The following CNTNAP2 variants were observed in gnomAD, a reference collection of about 807,000 sequenced individuals.
CNTNAP2 encodes contactin-associated protein-like 2.
Under a neutral mutation model 155.2 loss-of-function variants are expected in CNTNAP2, and 98 were observed. The observed-to-expected ratio is 0.63, with a 90% CI of 0.54 to 0.75. The LOEUF is 0.75. Among genes scored for constraint, CNTNAP2 ranks in the 30% least tolerant of loss-of-function variants. CNTNAP2 has a pLI of 0.00. For missense variants in CNTNAP2, 1,727 were observed against 1,688.1 expected, an observed-to-expected ratio of 1.02 and a Z score of -0.40; for synonymous variants, 651 against 631.2, an observed-to-expected ratio of 1.03 and a Z score of -0.47.
intron 2 of CNTNAP2, among the ~76,000 whole-genome samples, chr7:146,807,884 G>A (rs1802996124): frequency 1.3e-5 from 2 of 152,218 alleles, no homozygotes; most frequent in Admixed American, 6.5e-5. Context: ...TTGTAAGTAA[G>A]AATCTGTGAC....
intron 3 of CNTNAP2, among the ~76,000 whole-genome samples, chr7:147,025,798 A>G (rs750197802): frequency 6.6e-6 from 1 of 150,964 alleles, no homozygotes; most frequent in Non-Finnish European, 1.5e-5. Flanking sequence ...ACACGTATAT[A>G]TCTCAGATAG....
chr7:146,843,731 A>G (rs1056975613), intron 3 of CNTNAP2, among the ~76,000 whole-genome samples: 1 of 150,996 alleles, frequency 6.6e-6, no homozygotes, highest in Non-Finnish European at 1.5e-5. Context: ...GCATTTACAA[A>G]TTTCAAAAAA....
rs576940043 is a variant in CNTNAP2, at chr7:147,638,181, C to T, written c.1898-925C>T. Among the ~76,000 whole-genome samples, 85 of 152,132 alleles carry T rather than the reference C, an allele frequency of 5.6e-4. 1 individual carries two copies. In the South Asian group the frequency reaches 7.7e-3, roughly 14 times the overall value. On this transcript the variant is annotated intron_variant, in intron 12 of 23. Transcript: ENST00000361727. ...TTTGGCCCTGGGTGTTTTTGAACTGCCCTCAGTCTCTAATTGCTTCTTTTT... is the reference window on the plus strand; with the variant it reads ...TTTGGCCCTGGGTGTTTTTGAACTGTCCTCAGTCTCTAATTGCTTCTTTTT...
At chr7:147,671,167 C>T (rs1795781281) in intron 13 of CNTNAP2, among the ~76,000 whole-genome samples, 2 of 152,228 alleles carry the variant, frequency 1.3e-5, no homozygotes, top group Non-Finnish European at 1.5e-5. Flanking sequence ...AGTGTTTGCG[C>T]ACTCCAGTTC....
chr7:147,296,470 A>G lies in CNTNAP2; in HGVS notation c.1349-3671A>G, dbSNP rs569719859. Among the ~76,000 whole-genome samples, 19 of 152,324 alleles carry G rather than the reference A, an allele frequency of 1.2e-4. No homozygotes were observed. The East Asian group carries it at 1.5e-3, about 12-fold the overall frequency. On this transcript the variant is annotated intron_variant, in intron 8 of 23. Transcript: ENST00000361727. ...GCATAGAGTAATTTTATAGTACAAG[A>G]GATTGTATCTGTGTTGTTCTTCAGA... is the stretch of plus-strand genomic sequence containing the variant.
At chr7:147,249,839 T>C (rs1804154565) in intron 8 of CNTNAP2, among the ~76,000 whole-genome samples, 1 of 152,114 alleles carries the variant, frequency 6.6e-6, no homozygotes, top group Non-Finnish European at 1.5e-5. Context: ...GAGGCTCCGT[T>C]TCTGAAAAGC....
At chr7:148,364,197 G>A (rs1014058287) in intron 21 of CNTNAP2, among the ~76,000 whole-genome samples, 5 of 152,248 alleles carry the variant, frequency 3.3e-5, no homozygotes, top group East Asian at 3.9e-4. Flanking sequence ...GAATGTGAGC[G>A]CACGGTGCAG....
intron 14 of CNTNAP2, among the ~76,000 whole-genome samples, chr7:147,955,828 A>G (rs983998020): frequency 3.3e-5 from 5 of 152,200 alleles, no homozygotes; most frequent in African/African-American, 1.2e-4. Context: ...AAAGAACAAA[A>G]CAAGAATGCA....
At chr7:146,724,913 G>T (rs1161034082) in intron 1 of CNTNAP2, among the ~76,000 whole-genome samples, 1 of 152,074 alleles carries the variant, frequency 6.6e-6, no homozygotes, top group Non-Finnish European at 1.5e-5. Context: ...TCTTAGGGCT[G>T]CTGAAACAAA....
intron 14 of CNTNAP2, among the ~76,000 whole-genome samples, chr7:147,969,331 T>A: frequency 6.6e-6 from 1 of 152,126 alleles, no homozygotes; most frequent in East Asian, 1.9e-4. Flanking sequence ...GATTAAGGGA[T>A]GAGCCCCCAC....
At chr7:147,464,465 TAA>T (rs71183005) in intron 10 of CNTNAP2, among the ~76,000 whole-genome samples, 9 of 65,954 alleles carry the variant, frequency 1.4e-4, no homozygotes, top group African/African-American at 4.3e-4. Flanking sequence ...AGACTCCATC[TAA>T]AAAAAAAAAA....
chr7:147,980,385 C>T (rs1003992409), intron 15 of CNTNAP2, among the ~76,000 whole-genome samples: 3 of 152,170 alleles, frequency 2.0e-5, no homozygotes, highest in Non-Finnish European at 2.9e-5. Flanking sequence ...TATTTATTCA[C>T]ATTACATGAT....
At chr7:147,533,220 CTT>C (rs1397006516) in intron 11 of CNTNAP2, among the ~76,000 whole-genome samples, 1 of 152,130 alleles carries the variant, frequency 6.6e-6, no homozygotes, top group Admixed American at 6.5e-5. Context: ...TCATAAAAGA[CTT>C]TATTCTAACT....
chr7:146,350,582 G>A (rs1584882916), intron 1 of CNTNAP2, among the ~76,000 whole-genome samples: 1 of 151,770 alleles, frequency 6.6e-6, no homozygotes, highest in South Asian at 2.1e-4. Flanking sequence ...CTGTTGGTGG[G>A]ACTGTAAACT....
At position 147,108,420 on chromosome 7, in the gene CNTNAP2, C is replaced by T. The variant is rs1272473438; in HGVS notation, c.754+70C>T. On this transcript the variant is annotated intron_variant, in intron 5 of 23. Transcript: ENST00000361727. ...CCATTAGGAATATGTTCATGTTGCT[C>T]AATTCTTTAAAATGTAAATTATAAA... 1.0e-5 allele frequency: 13 copies of T among 1,301,158 alleles called. No individual in the cohort carries two copies. The South Asian group carries it at 1.3e-4, about 13-fold the overall frequency. 80.6% of individuals were successfully genotyped at this position (1,301,158 alleles called of 1,614,324 possible). A position where few individuals can be genotyped will look rare whatever the true frequency, so the allele number is the denominator to read the frequency against.
At chr7:148,315,711 C>T (rs1797675467) in intron 21 of CNTNAP2, among the ~76,000 whole-genome samples, 3 of 152,122 alleles carry the variant, frequency 2.0e-5, no homozygotes, top group South Asian at 4.2e-4. Context: ...TATTTTAAAC[C>T]TATCAGTTAC....
intron 15 of CNTNAP2, among the ~76,000 whole-genome samples, chr7:148,035,363 G>A (rs567629126): frequency 9.2e-5 from 14 of 152,258 alleles, no homozygotes; most frequent in African/African-American, 3.4e-4. Context: ...AGGGCAGAAT[G>A]GTTTCAGAGG....
chr7:147,225,232 C>T (rs1388578445), intron 8 of CNTNAP2, among the ~76,000 whole-genome samples: 1 of 152,212 alleles, frequency 6.6e-6, no homozygotes, highest in Non-Finnish European at 1.5e-5. Context: ...ATTCAATTAT[C>T]AGTGGCCACT....
intron 16 of CNTNAP2, among the ~76,000 whole-genome samples, chr7:148,122,720 AAG>A: frequency 6.6e-6 from 1 of 152,278 alleles, no homozygotes; most frequent in African/African-American, 2.4e-5. Flanking sequence ...AGCCTCTGTT[AAG>A]ACAGAGGCAG....
Sources: gnomAD v4.1 joint callset for allele counts (sites outside exome capture counted in the v4.1 genomes callset) on GRCh38, gnomAD v4.1.1 for gene constraint, MANE v1.5 for transcripts, NCBI Gene and HGNC (gene_info 2026-07-23, HGNC 2026-07-21) for gene names.